Variants in BIRC6 observed in about 807,000 individuals in gnomAD.
BIRC6 encodes the protein dual E2 ubiquitin-conjugating enzyme/E3 ubiquitin-protein ligase BIRC6.
In BIRC6, 98 loss-of-function variants were observed where a neutral mutation model predicts 503.3. The observed-to-expected ratio is 0.19, with a 90% CI of 0.17 to 0.23. The LOEUF (loss-of-function observed/expected upper bound fraction) is 0.23, where lower values mean the gene tolerates loss of function less well. Among genes scored for constraint, BIRC6 ranks in the 10% least tolerant of loss-of-function variants. BIRC6 has a pLI of 1.00. For synonymous variants in BIRC6, 2,240 were observed against 2,078.7 expected, an observed-to-expected ratio of 1.08 and a Z score of -2.11; for missense variants, 5,360 against 5,806.0, an observed-to-expected ratio of 0.92 and a Z score of 2.50.
Position 32,555,299 on chromosome 2 carries a change from C to T in BIRC6, c.13144+5818C>T, listed in dbSNP as rs985642824. 2.6e-5 allele frequency among the ~76,000 whole-genome samples: 4 copies of T among 151,956 alleles called. No homozygotes were observed. In the South Asian group the frequency reaches 6.2e-4, roughly 24 times the overall value. ...AAGATGAGAGGATTGCTTATGCCCA[C>T]GAGTTTGAGATCAGCCTTGGCAACA... On this transcript the variant is annotated intron_variant, in intron 65 of 73. Coordinates refer to ENST00000421745, the MANE Select transcript of BIRC6 (RefSeq NM_016252.4).
At position 32,401,220 on chromosome 2, in the gene BIRC6, G is replaced by C. The variant is rs1291002864; in HGVS notation, c.1092G>C (p.Gln364His). The C allele has an allele frequency of 9.3e-6, 15 of 1,613,928 alleles. No homozygotes were observed. The highest frequency in any genetic ancestry group is 2.2e-5 in the East Asian group (1 of 44,900). Residue 364 changes from glutamine to histidine, a missense_variant, in exon 7 of 74, where the codon CAG (glutamine) becomes CAC (histidine). Physicochemically the swap from Gln to His is conservative, Grantham distance 24. Transcript: ENST00000421745. ...NCPFVKGEHT[Q>H]NVPLSVTLAT... ...CATTTGTGAAAGGTGAGCACACACA[G>C]AATGTGCCATTGTCAGTCACTCTTG...
In BIRC6 at chr2:32,509,905, T is replaced by G. The variant is rs2054223555; in HGVS notation, c.10148T>G (p.Val3383Gly). ...MHSPNIEVVL[V>G]KIGLQSTRIG... ...TCACCCAACATCGAGGTTGTGCTTG[T>G]AAAGATAGGACTGCAGTCTACTAGA... The change falls in exon 52 of 74, where the codon GTA (valine) becomes GGA (glycine). Residue 3383 changes from valine (V) to glycine (G), a missense_variant. Val to Gly is a moderately radical substitution (Grantham distance 109, BLOSUM62 -3). Transcript: ENST00000421745. 3.1e-6 allele frequency: 5 copies of G among 1,613,956 alleles called. No individual in the cohort carries two copies. Among genetic ancestry groups the G allele is most frequent in the Non-Finnish European group, 4.2e-6 (5 of 1,179,888 alleles).
At position 32,441,349 on chromosome 2, in the gene BIRC6, G is replaced by C; in HGVS notation, c.3831G>C (p.Lys1277Asn). 1 of 1,585,198 alleles carries C rather than the reference G, an allele frequency of 6.3e-7. No individual in the cohort carries two copies. Among genetic ancestry groups the C allele is most frequent in the Non-Finnish European group, 8.6e-7 (1 of 1,158,288 alleles). ...TTTAGGAAAAATCATCTAATGTTAA[G>C]AATGAAAATACAAGTGGCACCCGTA... is the stretch of plus-strand genomic sequence containing the variant. ...AAGKEKSSNV[K>N]NENTSGTRKS... The change falls in exon 17 of 74, where the codon AAG (lysine) becomes AAC (asparagine). Residue 1277 changes from lysine to asparagine, a missense_variant. Transcript: ENST00000421745.
intron 63 of BIRC6, among the ~76,000 whole-genome samples, chr2:32,546,423 T>C (rs1368027085): frequency 1.3e-5 from 2 of 152,084 alleles, no homozygotes; most frequent in African/African-American, 4.8e-5. Context: ...CTACTAAAAA[T>C]GCAAAAATTT....
At chr2:32,458,022 A>G (rs974044177) in intron 23 of BIRC6, among the ~76,000 whole-genome samples, 3 of 152,172 alleles carry the variant, frequency 2.0e-5, no homozygotes, top group Admixed American at 6.5e-5. Context: ...CTGATTTTCA[A>G]TACATGATTA....
chr2:32,386,442 CTCTTTT>C (rs1406163886), intron 3 of BIRC6, among the ~76,000 whole-genome samples: 2 of 147,820 alleles, frequency 1.4e-5, no homozygotes, highest in Non-Finnish European at 3.0e-5. Context: ...AAGTCTCTCT[CTCTTTT>C]TTTTTTTTTT....
At chr2:32,494,238 T>C (rs1189362514) in intron 45 of BIRC6, among the ~76,000 whole-genome samples, 1 of 152,064 alleles carries the variant, frequency 6.6e-6, no homozygotes, top group African/African-American at 2.4e-5. Flanking sequence ...AAAACTTTTT[T>C]TTTTTTTTGA....
intron 66 of BIRC6, among the ~76,000 whole-genome samples, chr2:32,584,654 T>C (rs1168670273): frequency 6.6e-6 from 1 of 152,232 alleles, no homozygotes; most frequent in Non-Finnish European, 1.5e-5. Flanking sequence ...ATAGTTTGAA[T>C]GAAAATGGTT....
At chr2:32,551,717 C>A in intron 65 of BIRC6, among the ~76,000 whole-genome samples, 1 of 152,112 alleles carries the variant, frequency 6.6e-6, no homozygotes, top group Non-Finnish European at 1.5e-5. Context: ...TTATTTTTGG[C>A]AATGTGGGAG....
chr2:32,405,358 T>C (rs1234517601), intron 8 of BIRC6, among the ~76,000 whole-genome samples: 1 of 152,232 alleles, frequency 6.6e-6, no homozygotes, highest in African/African-American at 2.4e-5. Flanking sequence ...TATGGGCAAC[T>C]GTTATCACCT....
chr2:32,396,555 C>A (rs909649091), intron 6 of BIRC6, among the ~76,000 whole-genome samples: 1 of 152,082 alleles, frequency 6.6e-6, no homozygotes, highest in Non-Finnish European at 1.5e-5. Context: ...ACAGTAGTCC[C>A]CCTTATTTGC....
chr2:32,561,771 G>C (rs1236536067), intron 65 of BIRC6, among the ~76,000 whole-genome samples: 2 of 106 alleles, frequency 0.019, no homozygotes, highest in Admixed American at 0.2. Flanking sequence ...TTTGCTGGGG[G>C]CAGTGCTCAC....
At chr2:32,501,272 T>C (rs1265892121) in intron 46 of BIRC6, among the ~76,000 whole-genome samples, 2 of 152,214 alleles carry the variant, frequency 1.3e-5, no homozygotes, top group African/African-American at 4.8e-5. Flanking sequence ...AAAGAATAGT[T>C]ACATGCTGGT....
chr2:32,357,040 C>T lies in BIRC6; in HGVS notation c.-122C>T. 2 of 882,296 alleles carry T rather than the reference C, an allele frequency of 2.3e-6. No individual in the cohort carries two copies. Among genetic ancestry groups the T allele is most frequent in the Non-Finnish European group, 3.2e-6 (2 of 622,340 alleles). 54.7% of individuals were successfully genotyped at this position (882,296 alleles called of 1,614,324 possible). A position where few individuals can be genotyped will look rare whatever the true frequency, so the allele number is the denominator to read the frequency against. ...GGCCCCGCCTCCCTCCCTGCTTCTC[C>T]CCCTCTCCCGTCAGCCTCCCTCCGA... On this transcript the variant is annotated 5_prime_UTR_variant, in exon 1 of 74. Transcript: ENST00000421745. This position sits in a 1 kb window ranked among gnomAD's most constrained non-coding sequence, Gnocchi z 4.9.
In BIRC6 at chr2:32,497,157, T is replaced by C. The variant is rs75080428; in HGVS notation, c.8469-2390T>C. Among the ~76,000 whole-genome samples, 960 of 152,332 alleles carry C rather than the reference T, an allele frequency of 6.3e-3. 11 individuals carry two copies. Among genetic ancestry groups the C allele is most frequent in the Admixed American group, 0.014 (212 of 15,298 alleles). On this transcript the variant is annotated intron_variant, in intron 45 of 73. Transcript: ENST00000421745. ...TGAACATAGATTGTTTCTTCTTTCA[T>C]CTGTTCATACGTTGAATTATATTGG... is the stretch of plus-strand genomic sequence containing the variant.
chr2:32,519,036 C>T, intron 57 of BIRC6, 90 bp downstream of exon 57: 2 of 1,281,706 alleles, frequency 1.6e-6, no homozygotes, highest in African/African-American at 1.5e-5. Context: ...TTTCTGCATC[C>T]ACTTTGCAAC....
At position 32,357,042 on chromosome 2, in the gene BIRC6, C is replaced by G. The variant is rs1227948354; in HGVS notation, c.-120C>G. 2.5e-5 allele frequency: 22 copies of G among 895,564 alleles called. No homozygotes were observed. Among genetic ancestry groups the G allele is most frequent in the Middle Eastern group, 3.4e-4 (1 of 2,910 alleles). The allele number at this position is 895,564 out of a possible 1,614,324, so 55.5% of individuals were successfully genotyped here. A position where few individuals can be genotyped will look rare whatever the true frequency, so the allele number is the denominator to read the frequency against. On this transcript the variant is annotated 5_prime_UTR_variant, in exon 1 of 74. Transcript: ENST00000421745. This position sits in a 1 kb window ranked among gnomAD's most constrained non-coding sequence, Gnocchi z 4.9. ...CCCCGCCTCCCTCCCTGCTTCTCCCCCTCTCCCGTCAGCCTCCCTCCGAGT... is the reference window on the plus strand; with the variant it reads ...CCCCGCCTCCCTCCCTGCTTCTCCCGCTCTCCCGTCAGCCTCCCTCCGAGT...
chr2:32,395,703 A>G (rs2039796975), intron 6 of BIRC6, 110 bp downstream of exon 6: 4 of 836,186 alleles, frequency 4.8e-6, no homozygotes, highest in South Asian at 1.5e-5. Context: ...TGCCACCTAT[A>G]TTTTTGTCAT....
At chr2:32,537,402 A>G (rs2057322495) in intron 61 of BIRC6, among the ~76,000 whole-genome samples, 1 of 152,206 alleles carries the variant, frequency 6.6e-6, no homozygotes, top group Non-Finnish European at 1.5e-5. Flanking sequence ...GAGAAATAAT[A>G]ACAAACTGTC....
Sources: allele counts gnomAD v4.1 joint callset (sites outside exome capture counted in the v4.1 genomes callset), GRCh38; gene constraint gnomAD v4.1.1; non-coding constraint Gnocchi (gnomAD v3.1); transcripts MANE v1.5; gene names NCBI Gene and HGNC (gene_info 2026-07-23, HGNC 2026-07-21).